Variants in NIBAN1 observed in about 807,000 individuals in gnomAD.
The protein encoded by NIBAN1 is niban apoptosis regulator 1.
A neutral mutation model predicts 75.1 loss-of-function variants in NIBAN1; 81 were observed. The observed-to-expected ratio is 1.08, with a 90% CI of 0.90 to 1.30. The LOEUF is 1.30. NIBAN1 is among the 50% of genes most tolerant of loss of function. The pLI is 0.00. For missense variants in NIBAN1, 1,133 were observed against 1,128.1 expected (o/e 1.00, Z -0.06); for synonymous variants, 436 against 424.8 (o/e 1.03, Z -0.32).
At chr1:184,899,624 C>T (rs1272762112) in intron 1 of NIBAN1, among the ~76,000 whole-genome samples, 1 of 152,030 alleles carries the variant, frequency 6.6e-6, no homozygotes, top group African/African-American at 2.4e-5. Flanking sequence ...TATTTTCTAT[C>T]AATAGACTAT....
At chr1:184,817,763 A>C (rs1210912219) in intron 9 of NIBAN1, among the ~76,000 whole-genome samples, 1 of 152,246 alleles carries the variant, frequency 6.6e-6, no homozygotes, top group Non-Finnish European at 1.5e-5. Context: ...TTTCTTATAT[A>C]TATAAGTCCT....
intron 9 of NIBAN1, among the ~76,000 whole-genome samples, chr1:184,816,784 T>A (rs944779228): frequency 4.6e-5 from 7 of 151,824 alleles, no homozygotes; most frequent in African/African-American, 1.7e-4. Flanking sequence ...TAAGTACATT[T>A]ACAATAGTGC....
intron 2 of NIBAN1, among the ~76,000 whole-genome samples, chr1:184,897,497 G>C (rs778921603): frequency 9.2e-5 from 14 of 152,120 alleles, no homozygotes; most frequent in Non-Finnish European, 1.9e-4. Context: ...GAAGGGGCCA[G>C]TGTACTGTTT....
chr1:184,892,896 T>A (rs1172967105), intron 3 of NIBAN1, among the ~76,000 whole-genome samples: 6 of 152,106 alleles, frequency 3.9e-5, no homozygotes, highest in African/African-American at 1.4e-4. Context: ...CTCACCCTCT[T>A]GAGTATCTGA....
chr1:184,812,143 T>C (rs1654399963), intron 9 of NIBAN1, among the ~76,000 whole-genome samples: 3 of 152,164 alleles, frequency 2.0e-5, no homozygotes, highest in African/African-American at 4.8e-5. Context: ...GGCAATACTT[T>C]CCTTCATCTT....
At chr1:184,903,745 T>G (rs1657014228) in intron 1 of NIBAN1, among the ~76,000 whole-genome samples, 1 of 146,940 alleles carries the variant, frequency 6.8e-6, no homozygotes, top group African/African-American at 2.5e-5. Context: ...TTTTTTTTTT[T>G]TTTTTTTTTT....
At chr1:184,931,111 T>C (rs1222565040) in intron 1 of NIBAN1, among the ~76,000 whole-genome samples, 1 of 151,328 alleles carries the variant, frequency 6.6e-6, no homozygotes, top group Non-Finnish European at 1.5e-5. Flanking sequence ...GCAATTCTCC[T>C]GCCTCAGCCT....
At chr1:184,819,484 C>T (rs1344041717) in intron 8 of NIBAN1, among the ~76,000 whole-genome samples, 2 of 152,176 alleles carry the variant, frequency 1.3e-5, no homozygotes, top group Middle Eastern at 3.2e-3. Context: ...TAATTCCACT[C>T]CCCAGAGGAA....
chr1:184,827,563 T>TTTTTTTTTG (rs1228542351), intron 6 of NIBAN1, among the ~76,000 whole-genome samples: 11 of 149,600 alleles, frequency 7.4e-5, no homozygotes, highest in East Asian at 1.9e-4. Flanking sequence ...TACTTCAGTT[T>TTTTTTTTTG]TTTTTTTTTT....
chr1:184,815,205 A>G (rs1197850012), intron 9 of NIBAN1, among the ~76,000 whole-genome samples: 2 of 152,228 alleles, frequency 1.3e-5, no homozygotes, highest in East Asian at 1.9e-4. Flanking sequence ...GGCTGATGTT[A>G]TAACAGTAGA....
At chr1:184,827,691 A>C (rs1654880578) in intron 6 of NIBAN1, among the ~76,000 whole-genome samples, 1 of 151,654 alleles carries the variant, frequency 6.6e-6, no homozygotes, top group African/African-American at 2.4e-5. Flanking sequence ...ATCAAAACCA[A>C]CAAACCCGGG....
chr1:184,822,380 T>C (rs1427936775), intron 8 of NIBAN1, among the ~76,000 whole-genome samples: 5 of 152,184 alleles, frequency 3.3e-5, no homozygotes, highest in Admixed American at 3.3e-4. Context: ...ATTTGTGCCT[T>C]TGTGGTCCGT....
intron 4 of NIBAN1, among the ~76,000 whole-genome samples, chr1:184,886,238 C>T (rs1442516076): frequency 6.6e-6 from 1 of 152,170 alleles, no homozygotes; most frequent in Admixed American, 6.5e-5. Context: ...TCCCCAAATA[C>T]TGCAATGACC....
chr1:184,812,100 C>A (rs1654398602), intron 9 of NIBAN1, among the ~76,000 whole-genome samples: 1 of 152,202 alleles, frequency 6.6e-6, no homozygotes, highest in Admixed American at 6.5e-5. Flanking sequence ...GCTCTGGCCT[C>A]CCTGAGCTCT....
At chr1:184,857,374 AT>A (rs1655707276) in intron 5 of NIBAN1, among the ~76,000 whole-genome samples, 1 of 152,196 alleles carries the variant, frequency 6.6e-6, no homozygotes, top group African/African-American at 2.4e-5. Context: ...ACACTACAAC[AT>A]TTAATCTATT....
intron 1 of NIBAN1, among the ~76,000 whole-genome samples, chr1:184,938,498 GCT>G (rs1658015570): frequency 7.1e-6 from 1 of 140,656 alleles, no homozygotes; most frequent in African/African-American, 2.6e-5. Flanking sequence ...TTTCTTTTTT[GCT>G]CTTTCTGTGT....
At chr1:184,914,751 C>T (rs1485647432) in intron 1 of NIBAN1, among the ~76,000 whole-genome samples, 1 of 146,424 alleles carries the variant, frequency 6.8e-6, no homozygotes, top group Non-Finnish European at 1.5e-5. Flanking sequence ...GACAGAATCT[C>T]GCTCTGTCAC....
At chr1:184,897,954 T>A (rs1656843630) in intron 2 of NIBAN1, among the ~76,000 whole-genome samples, 1 of 152,164 alleles carries the variant, frequency 6.6e-6, no homozygotes, top group Non-Finnish European at 1.5e-5. Context: ...TTCTCCCCTC[T>A]CGCCCCATAG....
At chr1:184,885,256 C>A (rs234663) in intron 4 of NIBAN1, among the ~76,000 whole-genome samples, 1 of 151,828 alleles carries the variant, frequency 6.6e-6, no homozygotes, top group African/African-American at 2.4e-5. Flanking sequence ...ACCTTGTTGG[C>A]CAGGCTCCTG....
Sources: allele counts gnomAD v4.1 joint callset (sites outside exome capture counted in the v4.1 genomes callset), GRCh38; gene constraint gnomAD v4.1.1; transcripts MANE v1.5; gene names NCBI Gene and HGNC (gene_info 2026-07-23, HGNC 2026-07-21).